The following MAGI1 variants were observed in gnomAD, a reference collection of about 807,000 sequenced individuals.
MAGI1 encodes membrane associated guanylate kinase, WW and PDZ domain containing 1, also known as membrane-associated guanylate kinase, WW and PDZ domain-containing protein 1.
A neutral mutation model predicts 139.9 loss-of-function variants in MAGI1; 58 were observed. The ratio of observed to expected loss-of-function variants is 0.41; its 90% CI spans 0.34 to 0.52. The LOEUF (loss-of-function observed/expected upper bound fraction) is 0.52. Ranked by LOEUF, MAGI1 falls within the 20% of genes least tolerant of loss-of-function variation. MAGI1 has a pLI of 0.12. For synonymous variants in MAGI1, 812 were observed against 737.9 expected, an observed-to-expected ratio of 1.10 and a Z score of -1.63; for missense variants, 1,874 against 1,901.6, an observed-to-expected ratio of 0.99 and a Z score of 0.27.
chr3:65,394,080 G>A lies in MAGI1; in HGVS notation c.2200-2722C>T, dbSNP rs369382616. 6.6e-5 allele frequency among the ~76,000 whole-genome samples: 10 copies of A among 152,234 alleles called. No homozygotes were observed. In the East Asian group the frequency reaches 1.5e-3, roughly 24 times the overall value. ...CATGTGCAGAGATTCAGCATGTCAC[G>A]TCATGGGTTTTTGAAACCCTCTCAT... On this transcript the variant is annotated intron_variant, in intron 13 of 22. Transcript: ENST00000402939.
chr3:65,368,123 A>G (rs1941613473), intron 18 of MAGI1, among the ~76,000 whole-genome samples: 2 of 152,236 alleles, frequency 1.3e-5, no homozygotes, highest in African/African-American at 4.8e-5. Context: ...CATTATAAAA[A>G]AGAGCTTTAT....
chr3:65,366,083 A>G (rs985105846), intron 18 of MAGI1, among the ~76,000 whole-genome samples: 1 of 151,950 alleles, frequency 6.6e-6, no homozygotes, highest in African/African-American at 2.4e-5. Context: ...TTTTTTTCCT[A>G]CTCATTAGCT....
chr3:65,634,812 C>T (rs969881813), intron 1 of MAGI1, among the ~76,000 whole-genome samples: 16 of 152,066 alleles, frequency 1.1e-4, no homozygotes, highest in South Asian at 4.1e-4. Flanking sequence ...TGTTACTGAA[C>T]GAATGCTGAT....
intron 1 of MAGI1, among the ~76,000 whole-genome samples, chr3:65,658,935 T>C (rs972884651): frequency 6.6e-6 from 1 of 152,216 alleles, no homozygotes; most frequent in African/African-American, 2.4e-5. Context: ...CTAGAACTTA[T>C]ATCCACACCT....
At chr3:65,848,024 T>C (rs1342870318) in intron 1 of MAGI1, among the ~76,000 whole-genome samples, 2 of 152,062 alleles carry the variant, frequency 1.3e-5, no homozygotes, top group Non-Finnish European at 2.9e-5. Context: ...CTTGGATAGC[T>C]CAGAAGTGAT....
chr3:65,594,055 C>T lies in MAGI1; in HGVS notation c.430+27917G>A, dbSNP rs113207338. On this transcript the variant is annotated intron_variant, in intron 2 of 22. Coordinates refer to ENST00000402939, the MANE Select transcript of MAGI1 (RefSeq NM_001033057.2). ...AAAAGTCAGGTAACATTTTCTCCAT[C>T]CTGTTTTTATTCTTGAATCTGGCCA... 6.4e-3 allele frequency among the ~76,000 whole-genome samples: 977 copies of T among 152,258 alleles called. 15 individuals are homozygous for T. Among genetic ancestry groups the T allele is most frequent in the African/African-American group, 0.022 (925 of 41,554 alleles).
intron 1 of MAGI1, among the ~76,000 whole-genome samples, chr3:65,751,883 A>G (rs1451944645): frequency 6.6e-6 from 1 of 152,214 alleles, no homozygotes; most frequent in East Asian, 1.9e-4. Flanking sequence ...TACAAACAGA[A>G]TTTCTTATGG....
At chr3:65,578,411 T>C (rs2081271114) in intron 2 of MAGI1, among the ~76,000 whole-genome samples, 1 of 152,196 alleles carries the variant, frequency 6.6e-6, no homozygotes, top group African/African-American at 2.4e-5. Context: ...AGATCCAGTA[T>C]AGAGAAGATA....
chr3:65,407,663 T>C (rs1383680475), intron 12 of MAGI1, among the ~76,000 whole-genome samples: 1 of 152,116 alleles, frequency 6.6e-6, no homozygotes, highest in Non-Finnish European at 1.5e-5. Context: ...AAAGTGGATA[T>C]ACATATATAT....
intron 2 of MAGI1, among the ~76,000 whole-genome samples, chr3:65,618,322 T>C (rs2083479419): frequency 6.6e-6 from 1 of 152,116 alleles, no homozygotes; most frequent in Admixed American, 6.6e-5. Context: ...AGGTTTTCCA[T>C]AGGTACACAA....
At chr3:65,608,324 C>T (rs1242305937) in intron 2 of MAGI1, among the ~76,000 whole-genome samples, 2 of 151,954 alleles carry the variant, frequency 1.3e-5, no homozygotes, top group African/African-American at 2.4e-5. Context: ...GCCTGTAATC[C>T]CAGCTACTAG....
At chr3:65,685,884 TA>T (rs962024256) in intron 1 of MAGI1, among the ~76,000 whole-genome samples, 4 of 152,204 alleles carry the variant, frequency 2.6e-5, no homozygotes, top group Non-Finnish European at 4.4e-5. Flanking sequence ...ACTAGGAAGT[TA>T]GACACGTTTT....
At position 65,356,701 on chromosome 3, in the gene MAGI1, C is replaced by A. The variant is rs770002282; in HGVS notation, c.4066G>T (p.Glu1356Ter). The change falls in exon 23 of 23, where the codon GAG (glutamate) becomes TAG (stop). Residue 1356 changes from glutamate to a stop codon, truncating the protein, a stop_gained. Transcript: ENST00000402939. LOFTEE classifies it low-confidence loss of function (END_TRUNC). Reference sequence around the variant, plus strand: ...TCTCTCCTGCGGGTGGGTGACCGCTCTCGCCTCCGCTCCGGAGAGACGTCT... The same window carrying A: ...TCTCTCCTGCGGGTGGGTGACCGCTATCGCCTCCGCTCCGGAGAGACGTCT... ...RRDVSPERRR[E>*]RSPTRRRDGS... The A allele has an allele frequency of 2.5e-6, 4 of 1,592,736 alleles. No individual in the cohort carries two copies. In the African/African-American group the frequency reaches 4.0e-5, roughly 16 times the overall value.
At chr3:65,946,268 G>C (rs1426693544) in intron 1 of MAGI1, among the ~76,000 whole-genome samples, 1 of 152,222 alleles carries the variant, frequency 6.6e-6, no homozygotes, top group Non-Finnish European at 1.5e-5. Context: ...CAACTCACAA[G>C]AAACACAAGT....
In MAGI1 at chr3:65,888,131, C is replaced by T. The variant is rs563879640; in HGVS notation, c.313+149865G>A. ...CCTTCTCTCTACTGTGAAAACAATT[C>T]CCACTATCCAACCTGATGGTAAGAA... On this transcript the variant is annotated intron_variant, in intron 1 of 22. Transcript: ENST00000402939. Among the ~76,000 whole-genome samples, 49 of 152,268 alleles carry T rather than the reference C, an allele frequency of 3.2e-4. 2 individuals carry two copies. The South Asian group carries it at 1.0e-2, about 31-fold the overall frequency.
At chr3:65,993,840 CT>C (rs1452973319) in intron 1 of MAGI1, among the ~76,000 whole-genome samples, 1 of 152,170 alleles carries the variant, frequency 6.6e-6, no homozygotes, top group South Asian at 2.1e-4. Context: ...GAACAAAATT[CT>C]ACCTGATTGC....
chr3:65,777,959 A>T (rs1416243277), intron 1 of MAGI1, among the ~76,000 whole-genome samples: 1 of 152,204 alleles, frequency 6.6e-6, no homozygotes, highest in Non-Finnish European at 1.5e-5. Flanking sequence ...GTAAATCATG[A>T]TTAAATAGGT....
At position 65,913,647 on chromosome 3, in the gene MAGI1, C is replaced by G. The variant is rs185903463; in HGVS notation, c.313+124349G>C. ...TGCTTGGAGCATTTACCATGAGATG[C>G]CTTTCAAATCCCTAACAAAGTATTG... is the stretch of plus-strand genomic sequence containing the variant. On this transcript the variant is annotated intron_variant, in intron 1 of 22. Coordinates refer to ENST00000402939, the MANE Select transcript of MAGI1 (RefSeq NM_001033057.2). Among the ~76,000 whole-genome samples, 5 of 152,228 alleles carry G rather than the reference C, an allele frequency of 3.3e-5. 1 individual carries two copies. Among genetic ancestry groups the G allele is most frequent in the Admixed American group, 2.6e-4 (4 of 15,288 alleles).
intron 1 of MAGI1, among the ~76,000 whole-genome samples, chr3:66,029,528 T>C (rs758664750): frequency 1.3e-5 from 2 of 152,168 alleles, no homozygotes; most frequent in African/African-American, 2.4e-5. Flanking sequence ...AAAAAGTCTA[T>C]ACACACAGCC....
Sources: gnomAD v4.1 joint callset for allele counts (sites outside exome capture counted in the v4.1 genomes callset) on GRCh38, gnomAD v4.1.1 for gene constraint, MANE v1.5 for transcripts, NCBI Gene and HGNC (gene_info 2026-07-23, HGNC 2026-07-21) for gene names.